The following FANK1 variants were observed in gnomAD, a reference collection of about 807,000 sequenced individuals.
The protein encoded by FANK1 is fibronectin type 3 and ankyrin repeat domains protein 1.
Under a neutral mutation model 45.3 loss-of-function variants are expected in FANK1, and 44 were observed. The observed-to-expected ratio is 0.97, with a 90% CI of 0.76 to 1.25. The LOEUF is 1.25. FANK1 is among the 50% of genes most tolerant of loss of function. The pLI, the probability that FANK1 is intolerant of heterozygous loss-of-function variation, is 0.00. For synonymous variants in FANK1, 149 were observed against 152.5 expected, an observed-to-expected ratio of 0.98 and a Z score of 0.17; for missense variants, 391 against 424.4, an observed-to-expected ratio of 0.92 and a Z score of 0.69.
Position 126,009,492 on chromosome 10 carries a change from T to C in FANK1, c.*54T>C. ...CGTAAAACAAAGTGAACCGTGACTGTTAAACTAGGGATGGGAAATTCTGCA... is the reference window on the plus strand; with the variant it reads ...CGTAAAACAAAGTGAACCGTGACTGCTAAACTAGGGATGGGAAATTCTGCA... On this transcript the variant is annotated 3_prime_UTR_variant, in exon 11 of 11. Coordinates refer to ENST00000368693, the MANE Select transcript of FANK1 (RefSeq NM_145235.5). 1 of 1,581,536 alleles carries C rather than the reference T, an allele frequency of 6.3e-7. No individual in the cohort carries two copies. The highest frequency in any genetic ancestry group is 8.6e-7 in the Non-Finnish European group (1 of 1,157,108).
chr10:125,968,124 A>C (rs1950289246), intron 1 of FANK1, among the ~76,000 whole-genome samples: 1 of 150,550 alleles, frequency 6.6e-6, no homozygotes, highest in Non-Finnish European at 1.5e-5. Context: ...TCTTTCGCTC[A>C]GGCTGGAGTG....
intron 1 of FANK1, chr10:125,972,789 G>C (rs549630467): frequency 9.9e-5 from 14 of 141,582 alleles, no homozygotes; most frequent in African/African-American, 3.5e-4. Flanking sequence ...GGCAGCAGCT[G>C]GTCCATTGCT....
rs1322771892 is a variant in FANK1, at chr10:125,983,449, A to G, written c.191+3111A>G. ...AAGGCAAACAATAAATAAGATACAT[A>G]AGTAAAAATAGGTAGTCAGCAGGCA... On this transcript the variant is annotated intron_variant, in intron 2 of 10. Coordinates refer to ENST00000368693, the MANE Select transcript of FANK1 (RefSeq NM_145235.5). The surrounding 1 kb of genome is among the most constrained non-coding windows in gnomAD (Gnocchi z 4.3). Among the ~76,000 whole-genome samples, 1 of 152,180 alleles carries G rather than the reference A, an allele frequency of 6.6e-6. No homozygotes were observed. Among genetic ancestry groups the G allele is most frequent in the African/African-American group, 2.4e-5 (1 of 41,424 alleles).
At chr10:125,951,120 C>A (rs1482085962) in intron 1 of FANK1, among the ~76,000 whole-genome samples, 2 of 146,448 alleles carry the variant, frequency 1.4e-5, no homozygotes, top group Non-Finnish European at 3.0e-5. Context: ...GGAGGGATAG[C>A]AATGGGAGAT....
intron 1 of FANK1, among the ~76,000 whole-genome samples, chr10:125,897,981 C>A (rs1449438491): frequency 8.5e-6 from 1 of 117,256 alleles, no homozygotes; most frequent in African/African-American, 3.4e-5. Context: ...ATAGTGAAAC[C>A]CATCTCTACT....
At chr10:125,965,910 C>T (rs1231823932) in intron 1 of FANK1, among the ~76,000 whole-genome samples, 1 of 152,170 alleles carries the variant, frequency 6.6e-6, no homozygotes, top group East Asian at 1.9e-4. Flanking sequence ...ATTATCACTA[C>T]CTTATGTTCG....
intron 1 of FANK1, among the ~76,000 whole-genome samples, chr10:125,942,475 G>C (rs895289738): frequency 6.6e-6 from 1 of 152,108 alleles, no homozygotes; most frequent in Non-Finnish European, 1.5e-5. Context: ...CCCCAATCTG[G>C]ACAAGCTGAG....
At chr10:125,958,120 A>G (rs1184631680) in intron 1 of FANK1, among the ~76,000 whole-genome samples, 2 of 152,238 alleles carry the variant, frequency 1.3e-5, no homozygotes, top group East Asian at 3.9e-4. Flanking sequence ...GTCATTCTAC[A>G]GTACTGTAGA....
intron 3 of FANK1, chr10:125,989,243 TATTTTAAAGC>T (rs764946865): frequency 1.3e-6 from 2 of 1,533,444 alleles, no homozygotes; most frequent in South Asian, 1.2e-5. Context: ...CTGAGATTGG[TATTTTAAAGC>T]ATTTTAAAGA....
intron 1 of FANK1, among the ~76,000 whole-genome samples, chr10:125,938,092 A>G (rs780782940): frequency 8.5e-5 from 13 of 152,242 alleles, no homozygotes; most frequent in Non-Finnish European, 1.8e-4. Flanking sequence ...CAGACCGTAA[A>G]GGCCTACTGA....
intron 7 of FANK1, among the ~76,000 whole-genome samples, chr10:126,006,726 G>C (rs1167669864): frequency 6.6e-6 from 1 of 152,188 alleles, no homozygotes; most frequent in Non-Finnish European, 1.5e-5. Flanking sequence ...CAGGCGTGGT[G>C]GTGGGCACCT....
chr10:125,963,577 G>A (rs1564918987), intron 1 of FANK1, among the ~76,000 whole-genome samples: 1 of 152,332 alleles, frequency 6.6e-6, no homozygotes, highest in East Asian at 1.9e-4. Context: ...GAAAGGATGA[G>A]TTCATGTCCT....
intron 6 of FANK1, among the ~76,000 whole-genome samples, chr10:126,002,807 AT>A (rs970089717): frequency 1.4e-5 from 2 of 146,436 alleles, no homozygotes; most frequent in Admixed American, 1.4e-4. Context: ...CTATTCTGAA[AT>A]TAGTAGATAG....
chr10:125,956,038 C>A (rs963974640), intron 1 of FANK1, among the ~76,000 whole-genome samples: 1 of 152,040 alleles, frequency 6.6e-6, no homozygotes, highest in Non-Finnish European at 1.5e-5. Context: ...GCCCACATTC[C>A]CACTTCCATT....
chr10:125,933,444 A>G (rs1159886064), intron 1 of FANK1, among the ~76,000 whole-genome samples: 1 of 152,074 alleles, frequency 6.6e-6, no homozygotes, highest in Non-Finnish European at 1.5e-5. Flanking sequence ...GTAGCCTTGA[A>G]TGAGCTTTTG....
chr10:125,945,522 C>T (rs562933927), intron 1 of FANK1, among the ~76,000 whole-genome samples: 17 of 152,306 alleles, frequency 1.1e-4, no homozygotes, highest in Admixed American at 3.9e-4. Context: ...CACTCCCACC[C>T]GAATATTGTG....
In FANK1 at chr10:125,927,176, T is replaced by A. The variant is rs566017112; in HGVS notation, c.13+30521T>A. ...CAGCTGGAGTGCAGTGGCATGATCATGGCTCACTGCAGCCTCAATCTCCCT... is the reference window on the plus strand; with the variant it reads ...CAGCTGGAGTGCAGTGGCATGATCAAGGCTCACTGCAGCCTCAATCTCCCT... On this transcript the variant is annotated intron_variant, in intron 1 of 10. Transcript: ENST00000368693. 1.5e-4 allele frequency among the ~76,000 whole-genome samples: 23 copies of A among 152,276 alleles called. 1 individual carries two copies. In the South Asian group the frequency reaches 4.6e-3, roughly 30 times the overall value.
Position 125,938,238 on chromosome 10 carries a change from G to T in FANK1, c.13+41583G>T, listed in dbSNP as rs371367607. On this transcript the variant is annotated intron_variant, in intron 1 of 10. Transcript: ENST00000368693. ...AAAGAATATGTAAATATGGAAGGAA[G>T]AAAACAATATAGTCATGTTGGATTT... is the stretch of plus-strand genomic sequence containing the variant. 3.3e-5 allele frequency among the ~76,000 whole-genome samples: 5 copies of T among 152,184 alleles called. No homozygotes were observed. The South Asian group carries it at 1.0e-3, about 32-fold the overall frequency.
At chr10:125,944,576 C>T (rs1445423015) in intron 1 of FANK1, among the ~76,000 whole-genome samples, 2 of 152,200 alleles carry the variant, frequency 1.3e-5, no homozygotes, top group Non-Finnish European at 2.9e-5. Flanking sequence ...GTAACATGTT[C>T]ATAATGGCCC....
Sources: gnomAD v4.1 joint callset for allele counts (sites outside exome capture counted in the v4.1 genomes callset) on GRCh38, gnomAD v4.1.1 for gene constraint, Gnocchi (gnomAD v3.1) non-coding constraint, MANE v1.5 for transcripts, NCBI Gene and HGNC (gene_info 2026-07-23, HGNC 2026-07-21) for gene names.